ZNF521: variants seen among roughly 807,000 people sequenced by gnomAD.
ZNF521 encodes the protein LYST-interacting protein 3.
Under a neutral mutation model 105.5 loss-of-function variants are expected in ZNF521, and 14 were observed. The ratio of observed to expected loss-of-function variants is 0.13; its 90% CI spans 0.09 to 0.21. ZNF521 has a LOEUF of 0.21. ZNF521 is among the 10% of genes least tolerant of loss of function. The pLI, the probability that ZNF521 is intolerant of heterozygous loss-of-function variation, is 1.00. For synonymous variants in ZNF521, 635 were observed against 606.0 expected, an observed-to-expected ratio of 1.05 and a Z score of -0.70; for missense variants, 1,233 against 1,629.7, an observed-to-expected ratio of 0.76 and a Z score of 4.19.
At chr18:25,268,047 C>G (rs928706207) in intron 3 of ZNF521, among the ~76,000 whole-genome samples, 1 of 152,082 alleles carries the variant, frequency 6.6e-6, no homozygotes. Context: ...AAAAGTTAGA[C>G]GAATTGCTAA....
At chr18:25,302,965 G>A (rs1911726005) in intron 3 of ZNF521, 1 of 152,218 alleles carries the variant, frequency 6.6e-6, no homozygotes, top group Admixed American at 6.5e-5. Context: ...TACTAATTGT[G>A]TGAGACACTA....
chr18:25,071,895 A>C (rs2033233976), intron 7 of ZNF521, among the ~76,000 whole-genome samples: 1 of 151,896 alleles, frequency 6.6e-6, no homozygotes, highest in South Asian at 2.1e-4. Context: ...GGTGCGGGAG[A>C]GATGAGGAGG....
chr18:25,124,424 T>C (rs1301038958), intron 5 of ZNF521, among the ~76,000 whole-genome samples: 1 of 152,208 alleles, frequency 6.6e-6, no homozygotes, highest in Middle Eastern at 3.2e-3. Context: ...GTCATGGCAA[T>C]TGACTGCTTT....
At chr18:25,180,107 A>T (rs960479585) in intron 5 of ZNF521, among the ~76,000 whole-genome samples, 4 of 152,254 alleles carry the variant, frequency 2.6e-5, no homozygotes, top group African/African-American at 9.6e-5. Flanking sequence ...TAGAAATGAA[A>T]GCCCTTTTTT....
intron 5 of ZNF521, among the ~76,000 whole-genome samples, chr18:25,094,904 A>G (rs2033821936): frequency 6.6e-6 from 1 of 151,248 alleles, no homozygotes; most frequent in East Asian, 1.9e-4. Context: ...TTCATTTTGT[A>G]TTTTTTTTTA....
At chr18:25,304,106 T>C (rs536544764) in intron 3 of ZNF521, among the ~76,000 whole-genome samples, 4 of 152,352 alleles carry the variant, frequency 2.6e-5, no homozygotes, top group African/African-American at 9.6e-5. Context: ...AAAATTTACA[T>C]TTGATAAGCA....
chr18:25,282,049 A>T (rs1910414100), intron 3 of ZNF521, among the ~76,000 whole-genome samples: 1 of 152,144 alleles, frequency 6.6e-6, no homozygotes, highest in South Asian at 2.1e-4. Flanking sequence ...GAAAAGGATT[A>T]ATTTTGTTAG....
chr18:25,319,213 A>G (rs1912802129), intron 3 of ZNF521, among the ~76,000 whole-genome samples: 1 of 152,224 alleles, frequency 6.6e-6, no homozygotes, highest in South Asian at 2.1e-4. Flanking sequence ...TGACAGTAAC[A>G]TGAATATACA....
At chr18:25,327,588 A>G (rs1600312616) in intron 2 of ZNF521, 2 of 581,492 alleles carry the variant, frequency 3.4e-6, no homozygotes, top group Admixed American at 3.9e-5. Context: ...TTCAGGCTAC[A>G]AAGAGTTAAC....
chr18:25,238,458 G>A (rs1907079136), intron 3 of ZNF521, among the ~76,000 whole-genome samples: 2 of 152,170 alleles, frequency 1.3e-5, no homozygotes, highest in South Asian at 4.1e-4. Flanking sequence ...CTCCTTAACA[G>A]TGGGTCTGTT....
intron 2 of ZNF521, among the ~76,000 whole-genome samples, chr18:25,322,535 CA>C (rs71902592): frequency 0.61 from 64,837 of 107,132 alleles, 17,756 homozygotes; most frequent in African/African-American, 0.7. Context: ...GTCTCCAATG[CA>C]AAAAAAAAAA....
At chr18:25,237,347 T>C (rs367645426) in intron 3 of ZNF521, among the ~76,000 whole-genome samples, 1 of 152,178 alleles carries the variant, frequency 6.6e-6, no homozygotes, top group African/African-American at 2.4e-5. Context: ...AATCATGTCT[T>C]AATGAAATAT....
At chr18:25,304,901 C>T (rs1226239033) in intron 3 of ZNF521, among the ~76,000 whole-genome samples, 1 of 152,168 alleles carries the variant, frequency 6.6e-6, no homozygotes, top group African/African-American at 2.4e-5. Flanking sequence ...GCCTTAAGTG[C>T]ACAGTAAGAT....
chr18:25,117,237 C>A lies in ZNF521; in HGVS notation c.3659-25156G>T, dbSNP rs944886244. On this transcript the variant is annotated intron_variant, in intron 5 of 7. Transcript: ENST00000361524. ...TAGTGTTTTCCCTCACTCTCTCTCT[C>A]TGTATAAATAGAGAGAGTGCTGACA... 3.2e-4 allele frequency among the ~76,000 whole-genome samples: 48 copies of A among 151,784 alleles called. No individual in the cohort carries two copies. In the South Asian group the frequency reaches 5.2e-3, roughly 16 times the overall value.
chr18:25,211,840 TG>T (rs1366674369), intron 4 of ZNF521, among the ~76,000 whole-genome samples: 1 of 152,256 alleles, frequency 6.6e-6, no homozygotes, highest in Admixed American at 6.5e-5. Flanking sequence ...AAAAGGTTTA[TG>T]GTTTTGCCTT....
chr18:25,128,364 A>C (rs2034575644), intron 5 of ZNF521, among the ~76,000 whole-genome samples: 1 of 152,132 alleles, frequency 6.6e-6, no homozygotes, highest in African/African-American at 2.4e-5. Flanking sequence ...ACATCATACC[A>C]GTGGTAAGAA....
chr18:25,305,075 C>T (rs963499079), intron 3 of ZNF521, among the ~76,000 whole-genome samples: 5 of 152,112 alleles, frequency 3.3e-5, no homozygotes, highest in African/African-American at 1.2e-4. Context: ...TCATTTGTCG[C>T]ACAAATGCAC....
At chr18:25,237,478 C>T (rs530307951) in intron 3 of ZNF521, among the ~76,000 whole-genome samples, 7 of 152,086 alleles carry the variant, frequency 4.6e-5, no homozygotes, top group Admixed American at 2.6e-4. Flanking sequence ...GATGATACAT[C>T]TTGGCAAATA....
chr18:25,243,248 G>A (rs1272673455), intron 3 of ZNF521, among the ~76,000 whole-genome samples: 1 of 151,106 alleles, frequency 6.6e-6, no homozygotes, highest in East Asian at 1.9e-4. Flanking sequence ...TTTTTTCCTT[G>A]TCCTTTTGTT....
Sources: gnomAD v4.1 joint callset for allele counts (sites outside exome capture counted in the v4.1 genomes callset) on GRCh38, gnomAD v4.1.1 for gene constraint, MANE v1.5 for transcripts, NCBI Gene and HGNC (gene_info 2026-07-23, HGNC 2026-07-21) for gene names.